Variants in SPEF2 observed in about 807,000 individuals in gnomAD.
SPEF2 encodes sperm flagella and cilia-associated protein 2.
In SPEF2, 187 loss-of-function variants were observed where a neutral mutation model predicts 224.6. The observed-to-expected ratio is 0.83, with a 90% CI of 0.74 to 0.94. The LOEUF is 0.94. Ranked by LOEUF, SPEF2 falls within the 40% of genes least tolerant of loss-of-function variation. The pLI, the probability that SPEF2 is intolerant of heterozygous loss-of-function variation, is 0.00. For missense variants in SPEF2, 2,170 were observed against 2,135.6 expected, an observed-to-expected ratio of 1.02 and a Z score of -0.32; for synonymous variants, 715 against 707.3, an observed-to-expected ratio of 1.01 and a Z score of -0.17.
intron 8 of SPEF2, among the ~76,000 whole-genome samples, chr5:35,659,695 G>A (rs1749443153): frequency 6.6e-6 from 1 of 151,984 alleles, no homozygotes; most frequent in African/African-American, 2.4e-5. Flanking sequence ...CAAAAAGAAT[G>A]GTGATAGTCT....
chr5:35,812,481 A>G (rs964012948), intron 36 of SPEF2, among the ~76,000 whole-genome samples: 1 of 152,230 alleles, frequency 6.6e-6, no homozygotes, highest in Non-Finnish European at 1.5e-5. Flanking sequence ...AATGATTTGT[A>G]TAAATATAAG....
chr5:35,708,706 A>ATCATCAC (rs1561236742), intron 18 of SPEF2, among the ~76,000 whole-genome samples: 75 of 7,402 alleles, frequency 0.01, no homozygotes, highest in Non-Finnish European at 0.013. Context: ...CATCACCACC[A>ATCATCAC]CTACCCATCA....
chr5:35,748,959 A>G (rs984581643), intron 23 of SPEF2, among the ~76,000 whole-genome samples: 4 of 152,180 alleles, frequency 2.6e-5, no homozygotes, highest in African/African-American at 9.6e-5. Context: ...ACCAAATCCA[A>G]CAACATATCA....
chr5:35,722,550 T>A (rs1294136361), intron 20 of SPEF2, among the ~76,000 whole-genome samples: 1 of 146,212 alleles, frequency 6.8e-6, no homozygotes, highest in Admixed American at 6.9e-5. Flanking sequence ...TAGTTACATA[T>A]GTATACATGT....
At chr5:35,733,012 T>A (rs1745899264) in intron 21 of SPEF2, among the ~76,000 whole-genome samples, 1 of 152,244 alleles carries the variant, frequency 6.6e-6, no homozygotes, top group African/African-American at 2.4e-5. Flanking sequence ...TTTAGTACTA[T>A]CTTCAGTTTC....
rs111230927 is a variant in SPEF2 at position 35,739,393 on chromosome 5, T to C, written c.3064-526T>C. 4.0e-3 allele frequency among the ~76,000 whole-genome samples: 608 copies of C among 152,030 alleles called. 11 individuals carry two copies. The highest frequency in any genetic ancestry group is 0.014 in the African/African-American group (583 of 41,478). On this transcript the variant is annotated intron_variant, in intron 21 of 36. Coordinates refer to ENST00000356031, the MANE Select transcript of SPEF2 (RefSeq NM_024867.4). ...GTAGGATTTCTGGAATAAACAGTTA[T>C]TTTTTTTAGATGGAATTTTGCTGTT...
At chr5:35,739,144 TTTTTTCATAATATGTA>T (rs1747147694) in intron 21 of SPEF2, among the ~76,000 whole-genome samples, 2 of 152,154 alleles carry the variant, frequency 1.3e-5, no homozygotes, top group Non-Finnish European at 2.9e-5. Flanking sequence ...TCATGCATAG[TTTTTTCATAATATGTA>T]TTTTTCATAA....
At chr5:35,708,902 T>TTAG in intron 18 of SPEF2, 46 bp from the exon 19 acceptor site, 1 of 1,514,852 alleles carries the variant, frequency 6.6e-7, no homozygotes, top group African/African-American at 1.4e-5. Context: ...AAATAGTAGA[T>TTAG]TTCTAGAGTC....
rs1758119776 is a variant in SPEF2 at position 35,806,800 on chromosome 5, A to T, written c.5104A>T (p.Lys1702Ter). The T allele has an allele frequency of 1.9e-6, 3 of 1,614,042 alleles. No individual in the cohort carries two copies. Among genetic ancestry groups the T allele is most frequent in the East Asian group, 2.2e-5 (1 of 44,874 alleles). ...EERKLKDDTE[K>*]REQKDEEIPE... ...AAGGAAATTAAAAGACGACACGGAG[A>T]AAAGGGAACAGAAGGATGAAGAAAT... The change falls in exon 35 of 37, where the codon AAA becomes TAA. Residue 1702 changes from lysine to a stop codon, truncating the protein, a stop_gained. Transcript: ENST00000356031. LOFTEE classifies it high-confidence loss of function.
intron 36 of SPEF2, among the ~76,000 whole-genome samples, chr5:35,812,051 G>A (rs1479482752): frequency 2.0e-5 from 3 of 152,048 alleles, no homozygotes; most frequent in African/African-American, 7.2e-5. Flanking sequence ...GCCTCCCAAA[G>A]TGCTGGGATT....
At chr5:35,709,547 C>A in intron 19 of SPEF2, 4 of 987,322 alleles carry the variant, frequency 4.1e-6, no homozygotes, top group Non-Finnish European at 4.8e-6. Flanking sequence ...AAATTAACAG[C>A]AACCATTAGA....
At chr5:35,683,681 C>T (rs948364281) in intron 10 of SPEF2, among the ~76,000 whole-genome samples, 4 of 152,162 alleles carry the variant, frequency 2.6e-5, no homozygotes, top group East Asian at 1.9e-4. Flanking sequence ...CTTTTGACCA[C>T]GGGCAGAGTC....
intron 28 of SPEF2, among the ~76,000 whole-genome samples, chr5:35,774,719 G>A (rs1282476158): frequency 1.3e-5 from 2 of 152,154 alleles, no homozygotes; most frequent in South Asian, 2.1e-4. Context: ...GTGGCATGGG[G>A]TATGCCGAGA....
intron 1 of SPEF2, among the ~76,000 whole-genome samples, chr5:35,619,695 AAAAC>A (rs149277440): frequency 0.12 from 17,801 of 151,942 alleles, 2,308 homozygotes; most frequent in African/African-American, 0.33. Context: ...AACAAAAAAC[AAAAC>A]AAACAAACAA....
At chr5:35,761,468 C>T (rs556462782) in intron 25 of SPEF2, among the ~76,000 whole-genome samples, 1 of 152,122 alleles carries the variant, frequency 6.6e-6, no homozygotes, top group South Asian at 2.1e-4. Context: ...TCCCTTGTTC[C>T]AAAAAGAATT....
At chr5:35,779,980 C>T (rs1014154384) in intron 30 of SPEF2, among the ~76,000 whole-genome samples, 4 of 152,042 alleles carry the variant, frequency 2.6e-5, no homozygotes, top group East Asian at 1.9e-4. Flanking sequence ...TGAGTTCTGT[C>T]GATTGATAGC....
In SPEF2 at chr5:35,658,126, A is replaced by G. The variant is rs77492494; in HGVS notation, c.979-893A>G. Among the ~76,000 whole-genome samples, 412 of 152,286 alleles carry G rather than the reference A, an allele frequency of 2.7e-3. 4 individuals are homozygous for G. The highest frequency in any genetic ancestry group is 9.4e-3 in the African/African-American group (392 of 41,572). On this transcript the variant is annotated intron_variant, in intron 7 of 36. Transcript: ENST00000356031. The stretch of plus-strand genomic sequence containing the variant: ...GAGAGAGCTTGATGGGGACTTGGAT[A>G]TTATCTTCCACCTAAACCCATAATT...
At position 35,808,026 on chromosome 5, in the gene SPEF2, C is replaced by T. The variant is rs975258529; in HGVS notation, c.5379+773C>T. 4.2e-6 allele frequency: 5 copies of T among 1,183,232 alleles called. No homozygotes were observed. In the African/African-American group the frequency reaches 7.7e-5, roughly 18 times the overall value. 73.3% of individuals were successfully genotyped at this position (1,183,232 alleles called of 1,614,324 possible). A position where few individuals can be genotyped will look rare whatever the true frequency, so the allele number is the denominator to read the frequency against. Reference sequence around the variant, plus strand: ...GTTTGCTGAGTTGAAAATAAAAGCGCTTTCACTTTGATAGAATGTAGATTG... The same window carrying T: ...GTTTGCTGAGTTGAAAATAAAAGCGTTTTCACTTTGATAGAATGTAGATTG... On this transcript the variant is annotated intron_variant, in intron 36 of 36. Transcript: ENST00000356031.
At chr5:35,739,497 C>T (rs961254062) in intron 21 of SPEF2, among the ~76,000 whole-genome samples, 4 of 152,176 alleles carry the variant, frequency 2.6e-5, no homozygotes, top group African/African-American at 9.7e-5. Context: ...ATTCTCCTGC[C>T]TCTGCCTCCC....
Sources: gnomAD v4.1 joint callset for allele counts (sites outside exome capture counted in the v4.1 genomes callset) on GRCh38, gnomAD v4.1.1 for gene constraint, MANE v1.5 for transcripts, NCBI Gene and HGNC (gene_info 2026-07-23, HGNC 2026-07-21) for gene names.